SPON2: variants seen among roughly 807,000 people sequenced by gnomAD.
The protein encoded by SPON2 is spondin-2.
A neutral mutation model predicts 29.9 loss-of-function variants in SPON2; 32 were observed. That is an observed-to-expected ratio of 1.07 (90% CI 0.81 to 1.44). SPON2 has a LOEUF of 1.44. SPON2 is among the 40% of genes most tolerant of loss of function. SPON2 has a pLI of 0.00. For missense variants in SPON2, 541 were observed against 455.5 expected (o/e 1.19, Z -1.71); for synonymous variants, 248 against 209.1 (o/e 1.19, Z -1.61).
At position 1,170,998 on chromosome 4, in the gene SPON2, C is replaced by G. The variant is rs113269273; in HGVS notation, c.636+1G>C. 6 of 1,548,114 alleles carry G rather than the reference C, an allele frequency of 3.9e-6. No individual in the cohort carries two copies. The East Asian group carries it at 7.3e-5, about 19-fold the overall frequency. ...CTTGCGCACGCGGGGTGCCCACTCACCTCGGTCACCGTGTCCTGCGGGATG... is the reference window on the plus strand; with the variant it reads ...CTTGCGCACGCGGGGTGCCCACTCAGCTCGGTCACCGTGTCCTGCGGGATG... On this transcript the variant is annotated splice_donor_variant, in intron 4 of 5. Coordinates refer to ENST00000290902, the MANE Select transcript of SPON2 (RefSeq NM_012445.4). LOFTEE classifies it high-confidence loss of function.
In SPON2 at chr4:1,170,414, C is replaced by G. The variant is rs370208822; in HGVS notation, c.799G>C (p.Asp267His). 1.9e-6 allele frequency: 3 copies of G among 1,613,368 alleles called. No individual in the cohort carries two copies. Among genetic ancestry groups the G allele is most frequent in the African/African-American group, 2.7e-5 (2 of 74,892 alleles). ...VLPSRDNEIV[D>H]SASVPETPLD... ...GTATGTCCGTTACCTGAGGCGCTGT[C>G]TACAATCTCATTGTCCCTGCTGGGC... Residue 267 changes from aspartate to histidine, a missense_variant, in exon 5 of 6, where the codon GAC becomes CAC. Physicochemically the swap from Asp to His is moderately conservative, Grantham distance 81 (BLOSUM62 -1). Coordinates refer to ENST00000290902, the MANE Select transcript of SPON2 (RefSeq NM_012445.4).
upstream of SPON2, among the ~76,000 whole-genome samples, chr4:1,173,858 C>T (rs1169770534): frequency 6.6e-6 from 1 of 152,262 alleles, no homozygotes; most frequent in Admixed American, 6.5e-5. Flanking sequence ...CAAATTTCCA[C>T]CTCCGTGCTT....
At chr4:1,177,520 C>T (rs947574198), upstream of SPON2, among the ~76,000 whole-genome samples, 2 of 152,014 alleles carry the variant, frequency 1.3e-5, no homozygotes, top group African/African-American at 2.4e-5. Flanking sequence ...TTGTGAGCCG[C>T]GTGGAGCAGA....
intron 1 of SPON2, among the ~76,000 whole-genome samples, chr4:1,188,630 G>A (rs944844466): frequency 2.2e-4 from 33 of 152,256 alleles, no homozygotes; most frequent in African/African-American, 7.5e-4. Flanking sequence ...AAATATCACC[G>A]TTATCAACAT....
At position 1,202,586 on chromosome 4, in the gene SPON2, A is replaced by G. The variant is rs1265932476; in HGVS notation, c.-234+5294T>C. Reference sequence around the variant, plus strand: ...CGGCTTCTGTGGGCTCAGCCCACTCAGTGCTCATGGGTCGGAGTCTCCTGC... The same window carrying G: ...CGGCTTCTGTGGGCTCAGCCCACTCGGTGCTCATGGGTCGGAGTCTCCTGC... On this transcript the variant is annotated intron_variant, in intron 1 of 3. Transcript: ENST00000509233. The surrounding 1 kb of genome is among the most constrained non-coding windows in gnomAD (Gnocchi z 5.4). 6.6e-6 allele frequency among the ~76,000 whole-genome samples: 1 copy of G among 151,956 alleles called. No individual in the cohort carries two copies. Among genetic ancestry groups the G allele is most frequent in the East Asian group, 1.9e-4 (1 of 5,152 alleles).
rs764898662 is a variant in SPON2 at position 1,171,424 on chromosome 4, G to A, written c.283C>T (p.Arg95Cys). ...RKNQYVSNGL[R>C]DFAERGEAWA... ...GCCTCGCCGCGCTCCGCAAAGTCGC[G>A]CAGCCCGTTACTGACGTACTGGTTC... is the stretch of plus-strand genomic sequence containing the variant. Residue 95 changes from arginine to cysteine, a missense_variant, in exon 3 of 6, where the codon CGC becomes TGC. Transcript: ENST00000290902. 5.6e-6 allele frequency: 9 copies of A among 1,612,242 alleles called. No homozygotes were observed. In the East Asian group the frequency reaches 6.7e-5, roughly 12 times the overall value.
At chr4:1,177,317 A>C (rs1456668915), upstream of SPON2, among the ~76,000 whole-genome samples, 1 of 152,144 alleles carries the variant, frequency 6.6e-6, no homozygotes, top group Non-Finnish European at 1.5e-5. Flanking sequence ...CCACAGTGTG[A>C]GTAATCAGCG....
upstream of SPON2, chr4:1,172,918 TCCCCTCCTCCCCTC>T (rs1411721126): frequency 5.3e-5 from 2 of 37,750 alleles, no homozygotes; most frequent in Admixed American, 6.4e-4. Context: ...CCTCCTCCCC[TCCCCTCCTCCCCTC>T]CCCCCTGTCC....
In SPON2 at chr4:1,171,332, C is replaced by T; in HGVS notation, c.375G>A (p.Ser125=). ...CGGTGCCGCTGGGGACGGCGGGCGC[C>T]GAAAACACCGCGTGCACGCTCTGCA... is the stretch of plus-strand genomic sequence containing the variant. ...EALQSVHAVF[S]APAVPSGTGQ... Residue 125 remains serine, a synonymous_variant, in exon 3 of 6, where the codon TCG becomes TCA. Coordinates refer to ENST00000290902, the MANE Select transcript of SPON2 (RefSeq NM_012445.4). 8 of 1,605,412 alleles carry T rather than the reference C, an allele frequency of 5.0e-6. No homozygotes were observed. The highest frequency in any genetic ancestry group is 5.9e-6 in the Non-Finnish European group (7 of 1,178,476).
chr4:1,172,315 C>G (rs927792838), intron 1 of SPON2: 1 of 579,940 alleles, frequency 1.7e-6, no homozygotes, highest in African/African-American at 1.9e-5. Flanking sequence ...GTTTTCAGTC[C>G]GAGTCCCTGC....
chr4:1,186,161 G>A (rs1727799287), intron 1 of SPON2, among the ~76,000 whole-genome samples: 1 of 150,068 alleles, frequency 6.7e-6, no homozygotes, highest in Admixed American at 6.6e-5. Flanking sequence ...GGAGAATGGT[G>A]TGAACCTGGG....
intron 1 of SPON2, among the ~76,000 whole-genome samples, chr4:1,201,661 C>A (rs1218203674): frequency 6.6e-6 from 1 of 152,060 alleles, no homozygotes; most frequent in Non-Finnish European, 1.5e-5. Flanking sequence ...CGGCTCACTG[C>A]AAGCTCCGCC....
chr4:1,170,258 C>T (rs1727379292), intron 5 of SPON2, 144 bp downstream of exon 5: 3 of 783,516 alleles, frequency 3.8e-6, no homozygotes, highest in South Asian at 3.5e-5. Flanking sequence ...TCAACAGAAT[C>T]CTAAATCTTC....
rs6836335 is a variant in SPON2, at chr4:1,171,960, T to C, written c.112A>G (p.Arg38Gly). Residue 38 changes from arginine to glycine, a missense_variant, in exon 2 of 6, where the codon AGA becomes GGA. Arg to Gly is a moderately radical substitution (Grantham distance 125, BLOSUM62 -2). Coordinates refer to ENST00000290902, the MANE Select transcript of SPON2 (RefSeq NM_012445.4). The stretch of plus-strand genomic sequence containing the variant: ...GTGATGCTGTATTTGGCCAGGGCTC[T>C]GGCGGAACAGATGGACTCTCCCCCA... ...PLGGESICSARALAKYSITFT... is the reference protein window; with the variant it reads ...PLGGESICSAGALAKYSITFT... 0.12 allele frequency: 197,398 copies of C among 1,612,720 alleles called. 13,736 individuals are homozygous for C. Among genetic ancestry groups the C allele is most frequent in the African/African-American group, 0.28 (21,294 of 74,978 alleles).
At chr4:1,203,152 G>C (rs1728254754) in intron 1 of SPON2, among the ~76,000 whole-genome samples, 2 of 152,234 alleles carry the variant, frequency 1.3e-5, no homozygotes, top group Non-Finnish European at 2.9e-5. Flanking sequence ...GGACTCCCCA[G>C]CTTGAGAACT....
At chr4:1,200,475 A>G (rs1399681173) in intron 1 of SPON2, among the ~76,000 whole-genome samples, 1 of 148,988 alleles carries the variant, frequency 6.7e-6, no homozygotes, top group Non-Finnish European at 1.5e-5. Flanking sequence ...GTGTCAGAGC[A>G]GGGGAGGCTC....
In SPON2 at chr4:1,169,760, TGAGACCCA is replaced by T. The variant is rs552283297; in HGVS notation, c.811+634_811+641del. The stretch of plus-strand genomic sequence containing the variant: ...CTGACTGTCCCACACCCATATCAGG[TGAGACCCA>T]GAGACCCAGAGCCAACAGGCCCTGA... On this transcript the variant is annotated intron_variant, in intron 5 of 5. Transcript: ENST00000290902. The T allele has an allele frequency of 5.7e-3, 877 of 153,080 alleles. 6 individuals carry two copies. The highest frequency in any genetic ancestry group is 0.019 in the African/African-American group (773 of 41,546). The allele number at this position is 153,080 out of a possible 1,614,324, so 9.5% of individuals were successfully genotyped here.
At chr4:1,195,119 G>GCAGCCGGCCGCTCCAACCCCA (rs1728034690) in exon 1 of SPON2, 1 of 138,380 alleles carries the variant, frequency 7.2e-6, no homozygotes, top group African/African-American at 3.0e-5. Flanking sequence ...CTCCAACCCC[G>GCAGCCGGCCGCTCCAACCCCA]CAGCCGGCGG....
chr4:1,198,326 G>C (rs1245460424), upstream of SPON2, among the ~76,000 whole-genome samples: 1 of 152,172 alleles, frequency 6.6e-6, no homozygotes, highest in African/African-American at 2.4e-5. Flanking sequence ...CAGGAAAGGA[G>C]GCACCAGGAG....
Sources: allele counts gnomAD v4.1 joint callset (sites outside exome capture counted in the v4.1 genomes callset), GRCh38; gene constraint gnomAD v4.1.1; non-coding constraint Gnocchi (gnomAD v3.1); transcripts MANE v1.5; gene names NCBI Gene and HGNC (gene_info 2026-07-23, HGNC 2026-07-21).